The following LYN variants were observed in gnomAD, a reference collection of about 807,000 sequenced individuals.
LYN encodes tyrosine-protein kinase Lyn.
Under a neutral mutation model 65.0 loss-of-function variants are expected in LYN, and 12 were observed. The observed-to-expected ratio is 0.18, with a 90% CI of 0.12 to 0.30. The LOEUF (loss-of-function observed/expected upper bound fraction) is 0.30. Among genes scored for constraint, LYN ranks in the 10% least tolerant of loss-of-function variants. LYN has a pLI of 1.00. For synonymous variants in LYN, 222 were observed against 221.2 expected (o/e 1.00, Z -0.03); for missense variants, 380 against 623.2 (o/e 0.61, Z 4.16).
chr8:55,950,307 G>A (rs1585630609), intron 4 of LYN, 152 bp from the exon 5 acceptor site: 1 of 558,914 alleles, frequency 1.8e-6, no homozygotes, highest in East Asian at 3.1e-5. Flanking sequence ...GCTGGGTCCT[G>A]TGGTAAGTCT....
intron 8 of LYN, among the ~76,000 whole-genome samples, chr8:55,962,529 C>T (rs972890451): frequency 2.0e-5 from 3 of 149,640 alleles, no homozygotes; most frequent in Non-Finnish European, 3.0e-5. Context: ...CATCCCATGT[C>T]GTGTTGGTGA....
chr8:55,932,219 A>G (rs1486646490), intron 1 of LYN, among the ~76,000 whole-genome samples: 2 of 152,214 alleles, frequency 1.3e-5, no homozygotes, highest in Non-Finnish European at 2.9e-5. Context: ...TTAAAAATTA[A>G]AATTCTAAAA....
chr8:55,995,308 C>T (rs1808345938), intron 10 of LYN, among the ~76,000 whole-genome samples: 1 of 152,174 alleles, frequency 6.6e-6, no homozygotes, highest in Admixed American at 6.5e-5. Context: ...GAATCTTTTC[C>T]AGGGTCAGGT....
At chr8:55,941,761 A>G in intron 1 of LYN, 94 bp from the exon 2 acceptor site, 1 of 842,278 alleles carries the variant, frequency 1.2e-6, no homozygotes, top group Non-Finnish European at 1.9e-6. Flanking sequence ...GAATAAAAGT[A>G]TATTTTTTCT....
intron 10 of LYN, 62 bp from the exon 11 acceptor site, chr8:55,998,284 T>C: frequency 7.2e-7 from 1 of 1,385,202 alleles, no homozygotes; most frequent in Admixed American, 1.9e-5. Flanking sequence ...CCGGTTTTCC[T>C]TGATGGCACT....
At chr8:55,946,572 T>G in intron 3 of LYN, 79 bp downstream of exon 3, 1 of 902,010 alleles carries the variant, frequency 1.1e-6, no homozygotes, top group Non-Finnish European at 1.8e-6. Context: ...CCTAAATGTT[T>G]TTATTTTTTT....
In LYN at chr8:55,998,384, C is replaced by T. The variant is rs2130583372; in HGVS notation, c.1089C>T (p.Tyr363=). 1 of 1,614,022 alleles carries T rather than the reference C, an allele frequency of 6.2e-7. No individual in the cohort carries two copies. The highest frequency in any genetic ancestry group is 8.5e-7 in the Non-Finnish European group (1 of 1,179,892). Residue 363 remains tyrosine (Y), a synonymous_variant, in exon 11 of 13, where the codon TAC becomes TAT. Coordinates refer to ENST00000519728, the MANE Select transcript of LYN (RefSeq NM_002350.4). ...EGMAYIERKN[Y]IHRDLRAANV... ...TGGCATACATCGAGCGGAAGAACTACATTCACCGGGACCTGCGAGCAGCTA... is the reference window on the plus strand; with the variant it reads ...TGGCATACATCGAGCGGAAGAACTATATTCACCGGGACCTGCGAGCAGCTA...
At chr8:55,996,807 G>C (rs1162996641) in intron 10 of LYN, among the ~76,000 whole-genome samples, 2 of 152,004 alleles carry the variant, frequency 1.3e-5, no homozygotes, top group Non-Finnish European at 2.9e-5. Context: ...TTAAATCCTG[G>C]ATTCTTTCCT....
At chr8:55,997,024 G>A (rs1383032707) in intron 10 of LYN, among the ~76,000 whole-genome samples, 1 of 152,074 alleles carries the variant, frequency 6.6e-6, no homozygotes, top group Non-Finnish European at 1.5e-5. Context: ...CGCCAGGCAT[G>A]GTGGTGCGTG....
chr8:55,921,943 C>CT (rs1332372288), intron 1 of LYN, among the ~76,000 whole-genome samples: 1 of 152,142 alleles, frequency 6.6e-6, no homozygotes, highest in Non-Finnish European at 1.5e-5. Context: ...GTGTGCAAAA[C>CT]TGACAGGAAT....
At chr8:55,930,583 A>T (rs990133822) in intron 1 of LYN, among the ~76,000 whole-genome samples, 9 of 152,144 alleles carry the variant, frequency 5.9e-5, no homozygotes, top group African/African-American at 1.9e-4. Flanking sequence ...TTGTTTTCAT[A>T]GTGTTCCCTT....
At chr8:55,902,402 A>G (rs1805293589) in intron 1 of LYN, among the ~76,000 whole-genome samples, 1 of 148,240 alleles carries the variant, frequency 6.7e-6, no homozygotes. Flanking sequence ...AATTCAGCTC[A>G]CTGCAACTTC....
chr8:55,988,186 C>T (rs978442758), intron 10 of LYN, among the ~76,000 whole-genome samples: 3 of 151,782 alleles, frequency 2.0e-5, no homozygotes, highest in African/African-American at 7.3e-5. Flanking sequence ...TGAATATTAA[C>T]AAGTAGAAAA....
At chr8:55,993,767 A>C (rs1178532698) in intron 10 of LYN, among the ~76,000 whole-genome samples, 1 of 152,202 alleles carries the variant, frequency 6.6e-6, no homozygotes, top group Non-Finnish European at 1.5e-5. Flanking sequence ...CCACCTACCT[A>C]TCATCATCAT....
chr8:55,961,280 G>A (rs1043147152), intron 8 of LYN, among the ~76,000 whole-genome samples: 16 of 152,130 alleles, frequency 1.1e-4, no homozygotes, highest in Non-Finnish European at 5.9e-5. Flanking sequence ...TCCACAAGAC[G>A]CTTTTTACTA....
chr8:55,931,952 A>C (rs577843323), intron 1 of LYN, among the ~76,000 whole-genome samples: 3 of 152,358 alleles, frequency 2.0e-5, no homozygotes, highest in Non-Finnish European at 4.4e-5. Context: ...ATAAAATTTA[A>C]ATTTATAAGC....
intron 1 of LYN, among the ~76,000 whole-genome samples, chr8:55,940,791 T>A (rs1212764426): frequency 6.6e-6 from 1 of 152,216 alleles, no homozygotes; most frequent in Admixed American, 6.5e-5. Flanking sequence ...TCAGCCGTCC[T>A]GCGTTAATGG....
intron 1 of LYN, among the ~76,000 whole-genome samples, chr8:55,892,533 A>C (rs1012600615): frequency 1.1e-4 from 17 of 152,208 alleles, no homozygotes; most frequent in Non-Finnish European, 2.4e-4. Flanking sequence ...TCCAAATTAC[A>C]TAATAAGAAA....
chr8:55,898,614 A>T (rs936771881), intron 1 of LYN, among the ~76,000 whole-genome samples: 1 of 152,174 alleles, frequency 6.6e-6, no homozygotes, highest in Non-Finnish European at 1.5e-5. Flanking sequence ...TTGAGATATA[A>T]TTCACATATT....
Sources: gnomAD v4.1 joint callset for allele counts (sites outside exome capture counted in the v4.1 genomes callset) on GRCh38, gnomAD v4.1.1 for gene constraint, MANE v1.5 for transcripts, NCBI Gene and HGNC (gene_info 2026-07-23, HGNC 2026-07-21) for gene names.